Variants in BMPR1B observed in about 807,000 individuals in gnomAD.
The protein encoded by BMPR1B is bone morphogenetic protein receptor type-1B.
BMPR1B carries 12 observed loss-of-function variants against 59.1 expected under a neutral mutation model. That is an observed-to-expected ratio of 0.20 (90% CI 0.13 to 0.33). BMPR1B has a LOEUF of 0.33. BMPR1B is among the 10% of genes least tolerant of loss of function. The pLI, the probability that BMPR1B is intolerant of heterozygous loss-of-function variation, is 1.00. For synonymous variants in BMPR1B, 237 were observed against 207.3 expected, an observed-to-expected ratio of 1.14 and a Z score of -1.23; for missense variants, 550 against 610.9, an observed-to-expected ratio of 0.90 and a Z score of 1.05.
intron 6 of BMPR1B, among the ~76,000 whole-genome samples, chr4:95,118,122 G>T (rs750000016): frequency 2.0e-5 from 3 of 152,120 alleles, no homozygotes; most frequent in Non-Finnish European, 4.4e-5. Context: ...ACTTAGGCAA[G>T]GTCTTTCCAG....
chr4:95,144,940 C>A (rs1734534673), intron 10 of BMPR1B, among the ~76,000 whole-genome samples: 1 of 152,124 alleles, frequency 6.6e-6, no homozygotes, highest in South Asian at 2.1e-4. Context: ...TGCCTATAAC[C>A]TGTCCTGTAA....
intron 1 of BMPR1B, among the ~76,000 whole-genome samples, chr4:94,808,726 C>A (rs1483573439): frequency 6.6e-6 from 1 of 152,150 alleles, no homozygotes; most frequent in African/African-American, 2.4e-5. Context: ...GCCTTTCTTA[C>A]ATTTCCAAAA....
intron 3 of BMPR1B, among the ~76,000 whole-genome samples, chr4:95,010,149 G>A (rs1723118337): frequency 6.6e-6 from 1 of 152,154 alleles, no homozygotes. Flanking sequence ...AGACATAGGA[G>A]GGGCCCGTTT....
At chr4:94,841,636 G>T (rs1402222806) in intron 1 of BMPR1B, among the ~76,000 whole-genome samples, 3 of 152,086 alleles carry the variant, frequency 2.0e-5, no homozygotes, top group Non-Finnish European at 2.9e-5. Context: ...CACGGTGCGC[G>T]CACCCACTGA....
chr4:94,867,937 T>G (rs1726310603), intron 1 of BMPR1B, among the ~76,000 whole-genome samples: 1 of 151,862 alleles, frequency 6.6e-6, no homozygotes, highest in Admixed American at 6.6e-5. Context: ...CTCAGCCCCC[T>G]GGGCCCCAGG....
chr4:95,069,825 C>T (rs564621292), intron 3 of BMPR1B, among the ~76,000 whole-genome samples: 5 of 152,108 alleles, frequency 3.3e-5, no homozygotes, highest in African/African-American at 1.2e-4. Flanking sequence ...TTTGGCCAGG[C>T]GTGATGGCTC....
rs189621601 is a variant in BMPR1B at position 95,059,761 on chromosome 4, C to T, written c.-17-44647C>T. Among the ~76,000 whole-genome samples, 58 of 152,268 alleles carry T rather than the reference C, an allele frequency of 3.8e-4. 1 individual carries two copies. The highest frequency in any genetic ancestry group is 8.1e-4 in the Non-Finnish European group (55 of 68,018). ...TATCAAAGCCACACATTGTAGAAGACATCTGGTATTGAGCTTAAGCAGCTG... is the reference window on the plus strand; with the variant it reads ...TATCAAAGCCACACATTGTAGAAGATATCTGGTATTGAGCTTAAGCAGCTG... On this transcript the variant is annotated intron_variant, in intron 3 of 12. Coordinates refer to ENST00000515059, the MANE Select transcript of BMPR1B (RefSeq NM_001203.3).
chr4:95,152,912 T>C, intron 12 of BMPR1B, 139 bp downstream of exon 12: 1 of 1,126,168 alleles, frequency 8.9e-7, no homozygotes, highest in South Asian at 1.4e-5. Flanking sequence ...CAGTAATTTA[T>C]ATGAAGATAA....
intron 2 of BMPR1B, among the ~76,000 whole-genome samples, chr4:94,936,635 A>T (rs533747758): frequency 6.6e-6 from 1 of 152,230 alleles, no homozygotes; most frequent in South Asian, 2.1e-4. Flanking sequence ...ATTTATCTTG[A>T]TCTGTTTCTT....
At position 95,157,528 on chromosome 4, in the gene BMPR1B, C is replaced by T. The variant is rs1416934817; in HGVS notation, c.*2855C>T. 1 of 151,824 alleles carries T rather than the reference C, an allele frequency of 6.6e-6. No individual in the cohort carries two copies. The highest frequency in any genetic ancestry group is 1.5e-5 in the Non-Finnish European group (1 of 67,946). 9.4% of individuals were successfully genotyped at this position (151,824 alleles called of 1,614,324 possible). A position where few individuals can be genotyped will look rare whatever the true frequency, so the allele number is the denominator to read the frequency against. On this transcript the variant is annotated 3_prime_UTR_variant, in exon 13 of 13. Transcript: ENST00000515059. The stretch of plus-strand genomic sequence containing the variant: ...AAAGACTAAGAAGAGTTTCTTCTAA[C>T]CCCTCCCTCTCAAAGGAATCCTAAA...
At chr4:95,127,862 C>CA in intron 8 of BMPR1B, among the ~76,000 whole-genome samples, 1 of 151,520 alleles carries the variant, frequency 6.6e-6, no homozygotes, top group Middle Eastern at 3.4e-3. Context: ...AATGTCCCCC[C>CA]AAAATGTTCA....
intron 3 of BMPR1B, among the ~76,000 whole-genome samples, chr4:95,005,101 T>G (rs911085066): frequency 1.3e-5 from 2 of 152,154 alleles, no homozygotes; most frequent in African/African-American, 4.8e-5. Context: ...TGTTCTTAAC[T>G]TGGGGAGCTG....
At chr4:94,773,336 T>A (rs1266084736) in intron 1 of BMPR1B, among the ~76,000 whole-genome samples, 1 of 152,096 alleles carries the variant, frequency 6.6e-6, no homozygotes, top group East Asian at 1.9e-4. Flanking sequence ...TTTTTTCTTC[T>A]GGTGTTTTTG....
At chr4:95,142,661 A>C (rs1404356382) in intron 10 of BMPR1B, among the ~76,000 whole-genome samples, 2 of 152,018 alleles carry the variant, frequency 1.3e-5, no homozygotes, top group East Asian at 3.9e-4. Flanking sequence ...AGGCTCAATG[A>C]GGTAGAGCCA....
intron 6 of BMPR1B, among the ~76,000 whole-genome samples, chr4:95,116,861 C>T (rs1732108097): frequency 6.6e-6 from 1 of 152,074 alleles, no homozygotes; most frequent in Non-Finnish European, 1.5e-5. Flanking sequence ...TGATTCACAT[C>T]AAAGCCTCAC....
chr4:94,962,166 C>G (rs935685564), intron 2 of BMPR1B, among the ~76,000 whole-genome samples: 2 of 122,302 alleles, frequency 1.6e-5, no homozygotes, highest in Non-Finnish European at 3.2e-5. Flanking sequence ...TTTTGACAGT[C>G]TTGCTCTGTC....
intron 2 of BMPR1B, among the ~76,000 whole-genome samples, chr4:94,913,127 A>C (rs1728349663): frequency 6.6e-6 from 1 of 152,108 alleles, no homozygotes; most frequent in Non-Finnish European, 1.5e-5. Flanking sequence ...GTAATTTTTT[A>C]TTTGAGTAAA....
intron 2 of BMPR1B, among the ~76,000 whole-genome samples, chr4:94,994,694 A>G (rs1721949896): frequency 7.2e-6 from 1 of 138,344 alleles, no homozygotes; most frequent in South Asian, 2.6e-4. Flanking sequence ...CTTATGTGTA[A>G]CTTTTTTTTT....
intron 3 of BMPR1B, among the ~76,000 whole-genome samples, chr4:95,004,673 C>T (rs1430311843): frequency 1.3e-5 from 2 of 152,222 alleles, no homozygotes; most frequent in African/African-American, 4.8e-5. Flanking sequence ...TCTCTCTATA[C>T]CAATTTTAAC....
Sources: allele counts gnomAD v4.1 joint callset (sites outside exome capture counted in the v4.1 genomes callset), GRCh38; gene constraint gnomAD v4.1.1; transcripts MANE v1.5; gene names NCBI Gene and HGNC (gene_info 2026-07-23, HGNC 2026-07-21).